The following MRTFB variants were observed in gnomAD, a reference collection of about 807,000 sequenced individuals.
MRTFB encodes the protein myocardin-related transcription factor B.
In MRTFB, 29 loss-of-function variants were observed where a neutral mutation model predicts 104.2. The observed-to-expected ratio is 0.28, with a 90% CI of 0.21 to 0.38. MRTFB has a LOEUF of 0.38. Among genes scored for constraint, MRTFB ranks in the 10% least tolerant of loss-of-function variants. MRTFB has a pLI of 1.00. For synonymous variants in MRTFB, 535 were observed against 519.5 expected (o/e 1.03, Z -0.41); for missense variants, 1,270 against 1,341.6 (o/e 0.95, Z 0.83).
intron 2 of MRTFB, among the ~76,000 whole-genome samples, chr16:14,110,626 C>G (rs2036221877): frequency 6.6e-6 from 1 of 152,166 alleles, no homozygotes; most frequent in African/African-American, 2.4e-5. Flanking sequence ...CCACACCACC[C>G]TCTCCTGGAA....
At chr16:14,211,229 G>A (rs2041177020) in intron 4 of MRTFB, among the ~76,000 whole-genome samples, 1 of 152,008 alleles carries the variant, frequency 6.6e-6, no homozygotes. Flanking sequence ...CATTGTGATA[G>A]GCAAAAGGTG....
the MRTFB span, among the ~76,000 whole-genome samples, chr16:14,022,821 C>A: frequency 6.7e-6 from 1 of 149,852 alleles, no homozygotes; most frequent in Non-Finnish European, 1.5e-5. Context: ...CTCAGCCTCC[C>A]GAGTGGCTGG....
intron 3 of MRTFB, among the ~76,000 whole-genome samples, chr16:14,178,350 T>C: frequency 6.6e-6 from 1 of 152,092 alleles, no homozygotes; most frequent in East Asian, 1.9e-4. Flanking sequence ...AAAATGAAAA[T>C]GCTTTGTGGA....
intron 2 of MRTFB, among the ~76,000 whole-genome samples, chr16:14,108,343 C>T (rs1225313634): frequency 1.3e-5 from 2 of 152,212 alleles, no homozygotes; most frequent in Admixed American, 6.5e-5. Context: ...GAACTTCTAG[C>T]GTTCAGGAAA....
the MRTFB span, among the ~76,000 whole-genome samples, chr16:14,030,243 T>C: frequency 6.6e-6 from 1 of 152,200 alleles, no homozygotes; most frequent in Non-Finnish European, 1.5e-5. Context: ...AGGACATTGA[T>C]GCCCACAGCG....
intron 15 of MRTFB, among the ~76,000 whole-genome samples, chr16:14,254,280 T>C (rs1010876323): frequency 6.6e-6 from 1 of 152,230 alleles, no homozygotes; most frequent in South Asian, 2.1e-4. Context: ...TTCCCACAGA[T>C]AATAGCTATT....
At chr16:14,110,263 CAG>C (rs765092416) in intron 2 of MRTFB, among the ~76,000 whole-genome samples, 2 of 152,182 alleles carry the variant, frequency 1.3e-5, no homozygotes, top group East Asian at 1.9e-4. Context: ...CAGATATGTG[CAG>C]AGGCCAAAAC....
At chr16:14,041,898 C>G in the MRTFB span, among the ~76,000 whole-genome samples, 6 of 152,094 alleles carry the variant, frequency 3.9e-5, no homozygotes, top group East Asian at 9.7e-4. Context: ...TGCACTCGAG[C>G]CTGGGCAACA....
the MRTFB span, among the ~76,000 whole-genome samples, chr16:14,046,155 G>A: frequency 7.2e-5 from 11 of 152,062 alleles, 1 homozygote; most frequent in African/African-American, 1.2e-4. Context: ...CTCTCTACAT[G>A]ACACATAGTA....
intron 9 of MRTFB, among the ~76,000 whole-genome samples, chr16:14,239,439 T>C (rs1412616704): frequency 6.6e-6 from 1 of 152,262 alleles, no homozygotes; most frequent in East Asian, 1.9e-4. Flanking sequence ...CTCCATTTAA[T>C]TGAGTACTTC....
intron 3 of MRTFB, among the ~76,000 whole-genome samples, chr16:14,183,238 C>A (rs1215145421): frequency 6.6e-6 from 1 of 152,068 alleles, no homozygotes; most frequent in South Asian, 2.1e-4. Flanking sequence ...ATCACCAGAA[C>A]CTAATCCTAA....
chr16:14,000,329 G>A, the MRTFB span, among the ~76,000 whole-genome samples: 1 of 152,138 alleles, frequency 6.6e-6, no homozygotes, highest in Admixed American at 6.5e-5. Context: ...ACATCTATCT[G>A]TCTACACCTG....
chr16:14,213,507 A>G, intron 5 of MRTFB, 38 bp from the exon 6 acceptor site: 1 of 1,399,016 alleles, frequency 7.1e-7, no homozygotes, highest in East Asian at 2.3e-5. Flanking sequence ...ACAATAAATA[A>G]TAAATGATTT....
chr16:14,038,595 C>T, the MRTFB span, among the ~76,000 whole-genome samples: 2 of 152,314 alleles, frequency 1.3e-5, no homozygotes, highest in Non-Finnish European at 2.9e-5. Flanking sequence ...GAGTGGGCCT[C>T]AGACACAGAG....
chr16:14,112,165 G>A (rs2036304053), intron 2 of MRTFB, among the ~76,000 whole-genome samples: 1 of 152,186 alleles, frequency 6.6e-6, no homozygotes, highest in East Asian at 1.9e-4. Context: ...AGCAGAAAGA[G>A]TAAGAGCCCA....
the MRTFB span, among the ~76,000 whole-genome samples, chr16:14,038,180 C>T: frequency 2.0e-5 from 3 of 152,120 alleles, no homozygotes; most frequent in East Asian, 1.9e-4. Context: ...GCCATCTTCT[C>T]CTTGTGTCCT....
intron 1 of MRTFB, among the ~76,000 whole-genome samples, chr16:14,078,731 A>C (rs1225489050): frequency 6.6e-6 from 1 of 152,102 alleles, no homozygotes; most frequent in East Asian, 1.9e-4. Flanking sequence ...TGCCCAGCCA[A>C]TTAATAATAA....
chr16:14,230,290 C>T (rs936858664), intron 8 of MRTFB, among the ~76,000 whole-genome samples: 33 of 152,110 alleles, frequency 2.2e-4, no homozygotes, highest in Admixed American at 1.5e-3. Flanking sequence ...ATGGGATCTA[C>T]TTAAACTAAA....
chr16:14,144,996 GTA>G (rs550789001), intron 3 of MRTFB, among the ~76,000 whole-genome samples: 38 of 103,358 alleles, frequency 3.7e-4, no homozygotes, highest in East Asian at 2.0e-3. Flanking sequence ...ATATATATAT[GTA>G]TATATATATA....
Sources: gnomAD v4.1 joint callset for allele counts (sites outside exome capture counted in the v4.1 genomes callset) on GRCh38, gnomAD v4.1.1 for gene constraint, MANE v1.5 for transcripts, NCBI Gene and HGNC (gene_info 2026-07-23, HGNC 2026-07-21) for gene names.